Variants in SLC25A3 observed in about 807,000 individuals in gnomAD.
The protein encoded by SLC25A3 is phosphate transport protein.
A neutral mutation model predicts 37.1 loss-of-function variants in SLC25A3; 14 were observed. That is an observed-to-expected ratio of 0.38 (90% CI 0.25 to 0.59). The LOEUF is 0.59. Ranked by LOEUF, SLC25A3 falls within the 20% of genes least tolerant of loss-of-function variation. The probability of loss-of-function intolerance (pLI) is 0.67; values close to 1 mark genes in which losing one functional copy is unlikely to be tolerated. For synonymous variants in SLC25A3, 161 were observed against 168.7 expected (o/e 0.95, Z 0.36); for missense variants, 385 against 458.1 (o/e 0.84, Z 1.46).
At chr12:98,600,864 A>G (rs1184617212) in intron 6 of SLC25A3, among the ~76,000 whole-genome samples, 1 of 152,172 alleles carries the variant, frequency 6.6e-6, no homozygotes, top group African/African-American at 2.4e-5. Flanking sequence ...ACTAGTTCCT[A>G]AAAGGGCTGT....
At position 98,602,658 on chromosome 12, in the gene SLC25A3, T is replaced by C. The variant is rs1400722785; in HGVS notation, c.*1130T>C. On this transcript the variant is annotated 3_prime_UTR_variant, in exon 8 of 8. Transcript: ENST00000552981. ...TTAGTTTTTGTGTTTAGATTCCCCT[T>C]AAGTTTGATTAGGAAGTGTATAAAA... 1 of 152,146 alleles carries C rather than the reference T, an allele frequency of 6.6e-6. No homozygotes were observed. The highest frequency in any genetic ancestry group is 1.5e-5 in the Non-Finnish European group (1 of 68,024). 9.4% of individuals were successfully genotyped at this position (152,146 alleles called of 1,614,324 possible).
At chr12:98,595,316 C>T in intron 2 of SLC25A3, 1 of 1,132,776 alleles carries the variant, frequency 8.8e-7, no homozygotes, top group Non-Finnish European at 1.3e-6. Context: ...TTAATTGTGG[C>T]CAAAGCTATT....
chr12:98,595,319 A>G (rs1304285151), intron 2 of SLC25A3: 11 of 1,167,318 alleles, frequency 9.4e-6, no homozygotes, highest in African/African-American at 1.5e-5. Context: ...ATTGTGGCCA[A>G]AGCTATTCAG....
chr12:98,599,677 T>G (rs774462756), intron 5 of SLC25A3: 20 of 608,116 alleles, frequency 3.3e-5, no homozygotes, highest in South Asian at 2.6e-4. Flanking sequence ...AATCTTGAAC[T>G]GAGTTCCACT....
chr12:98,600,062 C>G lies in SLC25A3; in HGVS notation c.749C>G (p.Pro250Arg). The change falls in exon 6 of 8, where the codon CCT (proline) becomes CGT (arginine). Residue 250 changes from proline (P) to arginine (R), a missense_variant. Transcript: ENST00000552981. ...TVEALYKFVV[P>R]KPRSECSKPE... ...GAAGCACTGTACAAGTTTGTGGTTC[C>G]TAAGCCCCGCAGTGAATGTTCAAAG... The G allele has an allele frequency of 6.2e-7, 1 of 1,614,190 alleles. No individual in the cohort carries two copies.
chr12:98,598,272 T>A, intron 4 of SLC25A3: 2 of 703,468 alleles, frequency 2.8e-6, no homozygotes, highest in Non-Finnish European at 4.6e-6. Flanking sequence ...GATTTTGAGT[T>A]TTTTAGAGAA....
chr12:98,598,755 C>T, intron 5 of SLC25A3, 52 bp downstream of exon 5: 1 of 1,442,574 alleles, frequency 6.9e-7, no homozygotes, highest in Non-Finnish European at 9.5e-7. Context: ...TTTAAGTGAA[C>T]TTCATTTTTT....
chr12:98,595,928 A>G, intron 3 of SLC25A3, 80 bp downstream of exon 3: 1 of 1,320,452 alleles, frequency 7.6e-7, no homozygotes, highest in Non-Finnish European at 1.1e-6. Context: ...GAATTTGAAG[A>G]CATCACAACT....
intron 4 of SLC25A3, 160 bp from the exon 5 acceptor site, chr12:98,598,362 C>T (rs1233822610): frequency 1.0e-5 from 11 of 1,061,274 alleles, no homozygotes; most frequent in African/African-American, 6.4e-5. Context: ...CACATAGTTA[C>T]GTGTTTTGTT....
intron 5 of SLC25A3, among the ~76,000 whole-genome samples, chr12:98,598,949 G>A (rs1230550108): frequency 6.6e-6 from 1 of 151,660 alleles, no homozygotes; most frequent in Non-Finnish European, 1.5e-5. Flanking sequence ...CTAATTTTTT[G>A]TATTTTTCAG....
chr12:98,597,734 T>C (rs1206344828), intron 3 of SLC25A3, 122 bp from the exon 4 acceptor site: 1 of 1,387,030 alleles, frequency 7.2e-7, no homozygotes, highest in Non-Finnish European at 9.8e-7. Flanking sequence ...GGAATTACTG[T>C]AGTTACCTTT....
At chr12:98,600,163 T>G in intron 6 of SLC25A3, 36 bp downstream of exon 6, 3 of 1,320,098 alleles carry the variant, frequency 2.3e-6, no homozygotes, top group Non-Finnish European at 3.3e-6. Context: ...TCTGAAATTA[T>G]GAACAAATAA....
intron 1 of SLC25A3, 34 bp downstream of exon 1, chr12:98,593,774 G>A (rs1480466153): frequency 1.6e-6 from 1 of 618,658 alleles, no homozygotes; most frequent in Admixed American, 2.8e-5. Context: ...TGTGGCGGGT[G>A]TGGGGAGCGG....
chr12:98,602,630 G>T lies in SLC25A3; in HGVS notation c.*1102G>T, dbSNP rs2097598787. ...CATTTTTAAAGAGCTCCTAGAAAGT[G>T]AATTAGTTTTTGTGTTTAGATTCCC... On this transcript the variant is annotated 3_prime_UTR_variant, in exon 8 of 8. Coordinates refer to ENST00000552981, the MANE Select transcript of SLC25A3 (RefSeq NM_002635.4). 6.6e-6 allele frequency: 1 copy of T among 152,096 alleles called. No homozygotes were observed. The highest frequency in any genetic ancestry group is 1.9e-4 in the East Asian group (1 of 5,200). The allele number at this position is 152,096 out of a possible 1,614,324, so 9.4% of individuals were successfully genotyped here.
chr12:98,600,047 A>T lies in SLC25A3; in HGVS notation c.734A>T (p.Tyr245Phe), dbSNP rs1191493718. Reference protein sequence around the residue: ...ACFERTVEALYKFVVPKPRSE... With the variant: ...ACFERTVEALFKFVVPKPRSE... ...TTTGAACGTACTGTTGAAGCACTGT[A>T]CAAGTTTGTGGTTCCTAAGCCCCGC... Residue 245 changes from tyrosine to phenylalanine, a missense_variant, in exon 6 of 8, where the codon TAC becomes TTC. Physicochemically the swap from Tyr to Phe is conservative, Grantham distance 22. Around this residue, in one of 2 missense-constraint regions of SLC25A3, gnomAD observed 276 missense variants for 367.6 expected, o/e 0.75. Coordinates refer to ENST00000552981, the MANE Select transcript of SLC25A3 (RefSeq NM_002635.4). 1 of 1,614,216 alleles carries T rather than the reference A, an allele frequency of 6.2e-7. No individual in the cohort carries two copies.
Position 98,601,469 on chromosome 12 carries a change from C to T in SLC25A3, c.1027C>T (p.Arg343Cys), listed in dbSNP as rs773392242. The change falls in exon 8 of 8, where the codon CGC becomes TGC. Residue 343 changes from arginine (R) to cysteine (C), a missense_variant. Arg to Cys is a radical substitution (Grantham distance 180). Coordinates refer to ENST00000552981, the MANE Select transcript of SLC25A3 (RefSeq NM_002635.4). ...DSVKVYFRLP[R>C]PPPPEMPESL... ...CGTGAAGGTCTACTTCAGACTTCCT[C>T]GCCCTCCTCCACCCGAGATGCCAGA... The T allele has an allele frequency of 5.0e-6, 8 of 1,613,968 alleles. No individual in the cohort carries two copies. The highest frequency in any genetic ancestry group is 2.2e-5 in the East Asian group (1 of 44,900).
intron 5 of SLC25A3, chr12:98,599,492 GTT>G (rs905680243): frequency 6.8e-5 from 24 of 353,858 alleles, no homozygotes; most frequent in Middle Eastern, 4.3e-4. Flanking sequence ...CCTGGACTGA[GTT>G]TTTTTTTTTT....
intron 5 of SLC25A3, among the ~76,000 whole-genome samples, chr12:98,599,284 C>T (rs2097595711): frequency 6.6e-6 from 1 of 151,946 alleles, no homozygotes; most frequent in South Asian, 2.1e-4. Context: ...AACTCCTGAC[C>T]TCAGGTGATC....
At position 98,595,191 on chromosome 12, in the gene SLC25A3, G is replaced by C. The variant is rs570126398; in HGVS notation, c.158-536G>C. The stretch of plus-strand genomic sequence containing the variant: ...TTTAATTGTAAAAGCCGTTAATGTA[G>C]AAAACTTTTAAAAAAATTAATATGG... On this transcript the variant is annotated intron_variant, in intron 2 of 7. Coordinates refer to ENST00000552981, the MANE Select transcript of SLC25A3 (RefSeq NM_002635.4). 27 of 520,014 alleles carry C rather than the reference G, an allele frequency of 5.2e-5. 2 individuals carry two copies. The South Asian group carries it at 5.7e-4, about 11-fold the overall frequency. The allele number at this position is 520,014 out of a possible 1,614,324, so 32.2% of individuals were successfully genotyped here.
Sources: gnomAD v4.1 joint callset for allele counts (sites outside exome capture counted in the v4.1 genomes callset) on GRCh38, gnomAD v4.1.1 for gene constraint, gnomAD v4.1.1 regional missense constraint, MANE v1.5 for transcripts, NCBI Gene and HGNC (gene_info 2026-07-23, HGNC 2026-07-21) for gene names.